Variants in WDFY2 observed in about 807,000 individuals in gnomAD.
The protein encoded by WDFY2 is WD repeat and FYVE domain-containing protein 2.
Under a neutral mutation model 56.4 loss-of-function variants are expected in WDFY2, and 36 were observed. The ratio of observed to expected loss-of-function variants is 0.64; its 90% CI spans 0.49 to 0.84. The LOEUF is 0.84. Among genes scored for constraint, WDFY2 ranks in the 40% least tolerant of loss-of-function variants. The pLI, the probability that WDFY2 is intolerant of heterozygous loss-of-function variation, is 0.00. For synonymous variants in WDFY2, 176 were observed against 183.7 expected, an observed-to-expected ratio of 0.96 and a Z score of 0.34; for missense variants, 444 against 512.2, an observed-to-expected ratio of 0.87 and a Z score of 1.29.
intron 3 of WDFY2, among the ~76,000 whole-genome samples, chr13:51,687,593 C>T (rs932632290): frequency 1.3e-5 from 2 of 149,452 alleles, no homozygotes; most frequent in African/African-American, 2.5e-5. Context: ...AATAGTAGTA[C>T]AACGAAAATC....
chr13:51,747,347 G>A (rs140257095), intron 7 of WDFY2, among the ~76,000 whole-genome samples: 99 of 152,246 alleles, frequency 6.5e-4, no homozygotes, highest in African/African-American at 2.2e-3. Context: ...AGACAATAAC[G>A]ACATCAGGAA....
At chr13:51,587,121 G>A (rs935845722) in intron 1 of WDFY2, 4 of 152,312 alleles carry the variant, frequency 2.6e-5, no homozygotes, top group African/African-American at 9.6e-5. Context: ...AAAGCCGCAA[G>A]TAATGTTCCA....
At chr13:51,690,301 C>T (rs1366752971) in intron 3 of WDFY2, among the ~76,000 whole-genome samples, 3 of 150,320 alleles carry the variant, frequency 2.0e-5, no homozygotes, top group Non-Finnish European at 4.4e-5. Context: ...TCCACTAACT[C>T]GTCATCTAGC....
rs1251258403 is a variant in WDFY2, at chr13:51,695,158, G to A, written c.280-8438G>A. ...TCCTGTAGCTTGGAGTAGTTTGATC[G>A]TCTGAAGCCTTCTTCTCTCAGCTCG... On this transcript the variant is annotated intron_variant, in intron 3 of 11. Transcript: ENST00000298125. Among the ~76,000 whole-genome samples, 5 of 152,130 alleles carry A rather than the reference G, an allele frequency of 3.3e-5. No individual in the cohort carries two copies. The East Asian group carries it at 7.7e-4, about 24-fold the overall frequency.
chr13:51,652,918 G>A (rs1426354392), intron 1 of WDFY2, among the ~76,000 whole-genome samples: 1 of 152,108 alleles, frequency 6.6e-6, no homozygotes, highest in Non-Finnish European at 1.5e-5. Flanking sequence ...TCTTTGTGGT[G>A]TTCTCTGTAT....
intron 8 of WDFY2, 65 bp from the exon 9 acceptor site, chr13:51,755,293 G>A: frequency 1.4e-6 from 2 of 1,455,596 alleles, no homozygotes; most frequent in Non-Finnish European, 1.9e-6. Flanking sequence ...GTTTCATCAG[G>A]GTCAGTGGTT....
At chr13:51,729,639 C>T (rs1313489779) in intron 6 of WDFY2, among the ~76,000 whole-genome samples, 1 of 152,038 alleles carries the variant, frequency 6.6e-6, no homozygotes, top group Non-Finnish European at 1.5e-5. Context: ...TGCAGGGTCT[C>T]CACGCCAAAA....
chr13:51,752,174 C>T (rs541889077), intron 8 of WDFY2, among the ~76,000 whole-genome samples: 3 of 152,194 alleles, frequency 2.0e-5, no homozygotes, highest in African/African-American at 7.2e-5. Context: ...GTGCCCTCAC[C>T]CCAGTCTCAT....
chr13:51,715,787 A>G (rs1054486822), intron 4 of WDFY2, among the ~76,000 whole-genome samples: 1 of 152,172 alleles, frequency 6.6e-6, no homozygotes, highest in African/African-American at 2.4e-5. Flanking sequence ...CACCAGCATC[A>G]CCACAGACAG....
rs1260187670 is a variant in WDFY2, at chr13:51,584,743, G to A, written c.56G>A (p.Arg19Gln). The change falls in exon 1 of 12, where the codon CGG becomes CAG. Residue 19 changes from arginine (R) to glutamine (Q), a missense_variant. Transcript: ENST00000298125. ...PLTRKPILLQRMEGSQEVVNM... is the reference protein window; with the variant it reads ...PLTRKPILLQQMEGSQEVVNM... ...ACCCGCAAGCCGATCCTGCTGCAGC[G>A]GATGGAGGGGTCCCAGGAGGTGGTG... 2 of 1,613,742 alleles carry A rather than the reference G, an allele frequency of 1.2e-6. No homozygotes were observed. Among genetic ancestry groups the A allele is most frequent in the East Asian group, 2.2e-5 (1 of 44,886 alleles).
intron 1 of WDFY2, among the ~76,000 whole-genome samples, chr13:51,650,132 A>C (rs1246594990): frequency 2.6e-5 from 4 of 151,902 alleles, no homozygotes; most frequent in Non-Finnish European, 4.4e-5. Flanking sequence ...GAGGTCCTTC[A>C]CATCCCTTGT....
intron 3 of WDFY2, among the ~76,000 whole-genome samples, chr13:51,685,312 G>T (rs1466782533): frequency 6.6e-6 from 1 of 152,120 alleles, no homozygotes; most frequent in African/African-American, 2.4e-5. Flanking sequence ...TTTGTATTAA[G>T]TAAGATGTAT....
At position 51,701,166 on chromosome 13, in the gene WDFY2, G is replaced by T. The variant is rs1005807950; in HGVS notation, c.280-2430G>T. Among the ~76,000 whole-genome samples, 3 of 152,114 alleles carry T rather than the reference G, an allele frequency of 2.0e-5. No individual in the cohort carries two copies. In the East Asian group the frequency reaches 5.8e-4, roughly 29 times the overall value. On this transcript the variant is annotated intron_variant, in intron 3 of 11. Coordinates refer to ENST00000298125, the MANE Select transcript of WDFY2 (RefSeq NM_052950.4). ...ATCTTTGAGAAATGGTATCACAAGGGATTTTTAGTGTTTATTTTTCTTACA... is the reference window on the plus strand; with the variant it reads ...ATCTTTGAGAAATGGTATCACAAGGTATTTTTAGTGTTTATTTTTCTTACA...
At chr13:51,677,400 A>G (rs1023403773) in intron 3 of WDFY2, among the ~76,000 whole-genome samples, 9 of 152,222 alleles carry the variant, frequency 5.9e-5, no homozygotes, top group African/African-American at 1.9e-4. Context: ...AGCATGTTTA[A>G]GGTTCAGGAT....
At chr13:51,585,023 C>T (rs1413599379) in intron 1 of WDFY2, among the ~76,000 whole-genome samples, 199 bp downstream of exon 1, 2 of 152,174 alleles carry the variant, frequency 1.3e-5, no homozygotes, top group Admixed American at 6.5e-5. Context: ...GGAGCCGGGA[C>T]GGCGGCGAGC....
chr13:51,668,553 ATAT>A (rs2138482275), intron 2 of WDFY2, among the ~76,000 whole-genome samples: 1 of 152,342 alleles, frequency 6.6e-6, no homozygotes, highest in Admixed American at 6.5e-5. Context: ...AATCTAATAA[ATAT>A]TATTCTATTA....
chr13:51,671,175 T>C (rs1955800470), intron 2 of WDFY2, among the ~76,000 whole-genome samples: 2 of 151,956 alleles, frequency 1.3e-5, no homozygotes, highest in Admixed American at 1.3e-4. Flanking sequence ...GCTATAAACA[T>C]GCGTGTGTGA....
chr13:51,675,351 T>A, intron 3 of WDFY2, 108 bp downstream of exon 3: 2 of 1,066,392 alleles, frequency 1.9e-6, no homozygotes, highest in Non-Finnish European at 2.7e-6. Context: ...TCTTGCTAAG[T>A]AGAATGAAAA....
chr13:51,610,918 T>C (rs996804044), intron 1 of WDFY2, among the ~76,000 whole-genome samples: 1 of 152,242 alleles, frequency 6.6e-6, no homozygotes, highest in African/African-American at 2.4e-5. Context: ...ACTCATCCTT[T>C]GCTCTGTTGG....
Sources: allele counts gnomAD v4.1 joint callset (sites outside exome capture counted in the v4.1 genomes callset), GRCh38; gene constraint gnomAD v4.1.1; transcripts MANE v1.5; gene names NCBI Gene and HGNC (gene_info 2026-07-23, HGNC 2026-07-21).